EPHX2: variants seen among roughly 807,000 people sequenced by gnomAD.
The protein encoded by EPHX2 is bifunctional epoxide hydrolase 2.
Under a neutral mutation model 78.7 loss-of-function variants are expected in EPHX2, and 74 were observed. The ratio of observed to expected loss-of-function variants is 0.94; its 90% CI spans 0.78 to 1.14. The LOEUF is 1.14. EPHX2 is among the 50% of genes most tolerant of loss of function. The probability of loss-of-function intolerance (pLI) is 0.00; values close to 1 mark genes in which losing one functional copy is unlikely to be tolerated. For missense variants in EPHX2, 715 were observed against 702.5 expected (o/e 1.02, Z -0.20); for synonymous variants, 251 against 255.2 (o/e 0.98, Z 0.16).
In EPHX2 at chr8:27,515,743, A is replaced by G; in HGVS notation, c.761A>G (p.Glu254Gly). ...VKPRVRLHFVELGSGPAVCLC... is the reference protein window; with the variant it reads ...VKPRVRLHFVGLGSGPAVCLC... ...CCCAGGGTCCGTCTGCATTTTGTGG[A>G]GCTGGGCTCCGGCCCTGCTGTGTGC... is the stretch of plus-strand genomic sequence containing the variant. Residue 254 changes from glutamate to glycine, a missense_variant, in exon 7 of 19, where the codon GAG becomes GGG. Physicochemically the swap from Glu to Gly is moderately conservative, Grantham distance 98. Transcript: ENST00000521400. The G allele has an allele frequency of 1.2e-6, 2 of 1,613,896 alleles. No individual in the cohort carries two copies. The highest frequency in any genetic ancestry group is 1.7e-6 in the Non-Finnish European group (2 of 1,180,000).
chr8:27,513,642 C>T (rs897130268), intron 6 of EPHX2, among the ~76,000 whole-genome samples: 1 of 152,044 alleles, frequency 6.6e-6, no homozygotes, highest in African/African-American at 2.4e-5. Context: ...TTTCTGTGTT[C>T]TGGCTTTATG....
At chr8:27,501,363 C>CT (rs1563340211) in intron 2 of EPHX2, among the ~76,000 whole-genome samples, 2 of 128,276 alleles carry the variant, frequency 1.6e-5, no homozygotes, top group African/African-American at 6.4e-5. Context: ...TCTTCTTCTT[C>CT]TTCTTCTTCT....
chr8:27,505,170 A>G (rs2132723539), intron 4 of EPHX2, 24 bp downstream of exon 4: 1 of 1,611,026 alleles, frequency 6.2e-7, no homozygotes, highest in South Asian at 1.1e-5. Flanking sequence ...TCCTTATGGC[A>G]GAGAAGGATG....
At chr8:27,532,302 A>G (rs2132782109) in intron 12 of EPHX2, among the ~76,000 whole-genome samples, 1 of 152,160 alleles carries the variant, frequency 6.6e-6, no homozygotes, top group South Asian at 2.1e-4. Flanking sequence ...AGAAGATAAC[A>G]TTTGTCCTCT....
intron 6 of EPHX2, among the ~76,000 whole-genome samples, chr8:27,512,263 G>A (rs1402742753): frequency 6.6e-6 from 1 of 152,220 alleles, no homozygotes; most frequent in African/African-American, 2.4e-5. Flanking sequence ...TGTGACTGAT[G>A]TGGCCAAACC....
Position 27,528,693 on chromosome 8 carries a change from TCTC to T in EPHX2, c.1170+3226_1170+3228del, listed in dbSNP as rs542483364. Among the ~76,000 whole-genome samples, 663 of 152,222 alleles carry T rather than the reference TCTC, an allele frequency of 4.4e-3. 6 individuals carry two copies. Among genetic ancestry groups the T allele is most frequent in the African/African-American group, 0.015 (633 of 41,540 alleles). On this transcript the variant is annotated intron_variant, in intron 12 of 18. Transcript: ENST00000521400. Reference sequence around the variant, plus strand: ...TGGCCAGGAGGAGGCATTTCTGACATCTCCTCCTTCTCCCTAGGAGCACTGAGG... The same window carrying T: ...TGGCCAGGAGGAGGCATTTCTGACATCTCCTTCTCCCTAGGAGCACTGAGG...
chr8:27,538,938 T>C (rs1585222839), intron 14 of EPHX2: 1 of 531,686 alleles, frequency 1.9e-6, no homozygotes, highest in Admixed American at 3.2e-5. Flanking sequence ...TGGAGGAGTC[T>C]TAGAGCTTGT....
chr8:27,491,952 G>GTT (rs72456076), intron 1 of EPHX2, among the ~76,000 whole-genome samples: 80 of 143,024 alleles, frequency 5.6e-4, no homozygotes, highest in African/African-American at 8.9e-4. Flanking sequence ...TTTTTTTTGT[G>GTT]TTTTTTTTTT....
chr8:27,525,913 G>T lies in EPHX2; in HGVS notation c.1170+440G>T, dbSNP rs145936086. On this transcript the variant is annotated intron_variant, in intron 12 of 18. Coordinates refer to ENST00000521400, the MANE Select transcript of EPHX2 (RefSeq NM_001979.6). Reference sequence around the variant, plus strand: ...ACGTGCCACAAAGATGCCTTTCAAAGATGCCCCCAGATGTGGCTGATACAT... The same window carrying T: ...ACGTGCCACAAAGATGCCTTTCAAATATGCCCCCAGATGTGGCTGATACAT... Among the ~76,000 whole-genome samples, 303 of 152,274 alleles carry T rather than the reference G, an allele frequency of 2.0e-3. 2 individuals carry two copies. The Middle Eastern group carries it at 0.034, about 17-fold the overall frequency.
intron 2 of EPHX2, 127 bp downstream of exon 2, chr8:27,501,137 A>C: frequency 1.4e-6 from 1 of 704,432 alleles, no homozygotes; most frequent in South Asian, 1.9e-5. Context: ...ATGTTGTTTT[A>C]ATGGTATTAA....
rs532562635 is a variant in EPHX2, at chr8:27,525,404, C to T, written c.1101C>T (p.Pro367=). The T allele has an allele frequency of 4.3e-6, 7 of 1,614,024 alleles. No homozygotes were observed. The highest frequency in any genetic ancestry group is 1.1e-5 in the South Asian group (1 of 91,086). Residue 367 remains proline (P), a synonymous_variant, in exon 12 of 19, where the codon CCC becomes CCT. Transcript: ENST00000521400. ...SLNTPFIPAN[P]NMSPLESIKA... ...ATACTCCCTTCATACCAGCAAATCC[C>T]AACATGTCCCCTTTGGAGAGTATCA...
intron 5 of EPHX2, 143 bp from the exon 6 acceptor site, chr8:27,511,693 G>A: frequency 1.3e-6 from 1 of 742,792 alleles, no homozygotes; most frequent in Non-Finnish European, 2.3e-6. Flanking sequence ...AGGAGAGGGA[G>A]ATGGGCTGGT....
At chr8:27,543,688 G>A in intron 16 of EPHX2, 61 bp from the exon 17 acceptor site, 1 of 1,566,892 alleles carries the variant, frequency 6.4e-7, no homozygotes, top group Non-Finnish European at 8.8e-7. Flanking sequence ...GTCTTTCAGA[G>A]GAGGAGGGAG....
intron 11 of EPHX2, among the ~76,000 whole-genome samples, chr8:27,524,823 T>C (rs555308714): frequency 1.4e-4 from 21 of 152,348 alleles, no homozygotes; most frequent in African/African-American, 4.8e-4. Context: ...ATCATAGTCA[T>C]CTCATAAGGT....
At chr8:27,538,079 T>C (rs1585221997) in intron 13 of EPHX2, among the ~76,000 whole-genome samples, 1 of 152,224 alleles carries the variant, frequency 6.6e-6, no homozygotes, top group Non-Finnish European at 1.5e-5. Flanking sequence ...TTCCAGATCA[T>C]GCAGAGAATG....
At chr8:27,510,520 A>G (rs1031442479) in intron 5 of EPHX2, among the ~76,000 whole-genome samples, 1 of 152,192 alleles carries the variant, frequency 6.6e-6, no homozygotes, top group Non-Finnish European at 1.5e-5. Context: ...GTGTCCCCCA[A>G]AATTAATACA....
At chr8:27,511,260 T>C (rs1814230665) in intron 5 of EPHX2, among the ~76,000 whole-genome samples, 1 of 152,250 alleles carries the variant, frequency 6.6e-6, no homozygotes, top group Non-Finnish European at 1.5e-5. Flanking sequence ...AGCAGAGCTG[T>C]GCTGGAGTGA....
At chr8:27,502,757 G>T (rs1406751771) in intron 2 of EPHX2, among the ~76,000 whole-genome samples, 1 of 152,058 alleles carries the variant, frequency 6.6e-6, no homozygotes, top group Middle Eastern at 3.2e-3. Flanking sequence ...CTTCTTATTT[G>T]GGCACCAGTC....
chr8:27,505,250 C>A, intron 4 of EPHX2, 104 bp downstream of exon 4: 3 of 1,108,258 alleles, frequency 2.7e-6, no homozygotes, highest in South Asian at 1.4e-5. Context: ...CCTGGCAGGA[C>A]AGCTCTGAGT....
Sources: gnomAD v4.1 joint callset for allele counts (sites outside exome capture counted in the v4.1 genomes callset) on GRCh38, gnomAD v4.1.1 for gene constraint, MANE v1.5 for transcripts, NCBI Gene and HGNC (gene_info 2026-07-23, HGNC 2026-07-21) for gene names.